SPEN: variants seen among roughly 807,000 people sequenced by gnomAD.
SPEN encodes msx2-interacting protein.
SPEN carries 18 observed loss-of-function variants against 269.9 expected under a neutral mutation model. The observed-to-expected ratio is 0.07, with a 90% CI of 0.05 to 0.10. The LOEUF (loss-of-function observed/expected upper bound fraction) is 0.10, where lower values mean the gene tolerates loss of function less well. Ranked by LOEUF, SPEN falls within the 10% of genes least tolerant of loss-of-function variation. SPEN has a pLI of 1.00. For synonymous variants in SPEN, 1,726 were observed against 1,765.7 expected (o/e 0.98, Z 0.56); for missense variants, 3,822 against 4,631.2 (o/e 0.83, Z 5.07).
intron 1 of SPEN, among the ~76,000 whole-genome samples, chr1:15,850,336 G>GAT (rs2070322769): frequency 6.6e-6 from 1 of 152,036 alleles, no homozygotes; most frequent in Admixed American, 6.6e-5. Context: ...AGATGCTACT[G>GAT]ATAAAAGCAG....
rs2070906469 is a variant in SPEN, at chr1:15,901,999, G to A, written c.882-7322G>A. 2.1e-5 allele frequency among the ~76,000 whole-genome samples: 3 copies of A among 146,052 alleles called. No individual in the cohort carries two copies. The Admixed American group carries it at 2.1e-4, about 10-fold the overall frequency. On this transcript the variant is annotated intron_variant, in intron 3 of 14. Transcript: ENST00000375759. ...GCTAGAATGCAGTGGCATGATTTCG[G>A]CTCGCTGCAACCTCCACTTCCCAGG...
intron 10 of SPEN, among the ~76,000 whole-genome samples, chr1:15,925,022 GA>G (rs1205464859): frequency 1.3e-5 from 2 of 151,784 alleles, no homozygotes; most frequent in African/African-American, 2.4e-5. Flanking sequence ...ATGCATGAAT[GA>G]AAAAAAATGC....
rs373349779 is a variant in SPEN, at chr1:15,933,361, C to G, written c.7121C>G (p.Thr2374Arg). The G allele has an allele frequency of 2.5e-6, 4 of 1,614,026 alleles. No individual in the cohort carries two copies. The highest frequency in any genetic ancestry group is 3.4e-6 in the Non-Finnish European group (4 of 1,180,052). ...AGTCCTGCTGCAAATGAGGGGACAA[C>G]AGTACAGCACCCCGAAGCCCCACAG... ...GESPAANEGT[T>R]VQHPEAPQEE... Residue 2374 changes from threonine (T) to arginine (R), a missense_variant, in exon 11 of 15, where the codon ACA becomes AGA. By Grantham distance (71) the Thr-to-Arg change is moderately conservative. Around this residue, in one of 16 missense-constraint regions of SPEN, gnomAD observed 727 missense variants for 737.9 expected, o/e 0.99. Transcript: ENST00000375759. The surrounding 1 kb of genome is among the most constrained non-coding windows in gnomAD (Gnocchi z 5.7).
chr1:15,896,187 C>CTTTTT (rs34846762), intron 3 of SPEN, among the ~76,000 whole-genome samples: 3 of 69,210 alleles, frequency 4.3e-5, no homozygotes, highest in Non-Finnish European at 5.0e-5. Context: ...TTTACCATCA[C>CTTTTT]TTTTTTTTTT....
chr1:15,901,558 G>A (rs1008443816), intron 3 of SPEN, among the ~76,000 whole-genome samples: 1 of 151,230 alleles, frequency 6.6e-6, no homozygotes, highest in Non-Finnish European at 1.5e-5. Flanking sequence ...GCTGAGTTGG[G>A]GGGATCATTT....
intron 2 of SPEN, chr1:15,873,364 G>A: frequency 1.6e-6 from 2 of 1,228,624 alleles, no homozygotes; most frequent in Non-Finnish European, 2.0e-6. Flanking sequence ...ATAATGTGAT[G>A]GAAGATTTCC....
chr1:15,931,272 A>G lies in SPEN; in HGVS notation c.5032A>G (p.Thr1678Ala), dbSNP rs1011505841. ...AGAAGAGAAGACTGTGGAGCCAGCT[A>G]CCGTCTCAGAAGAAGCAAAGCCTGC... ...VTEEKTVEPA[T>A]VSEEAKPASE... is the part of the protein sequence containing the mutation. The change falls in exon 11 of 15, where the codon ACC (threonine) becomes GCC (alanine). Residue 1678 changes from threonine to alanine, a missense_variant. Physicochemically the swap from Thr to Ala is moderately conservative, Grantham distance 58 (BLOSUM62 0). Coordinates refer to ENST00000375759, the MANE Select transcript of SPEN (RefSeq NM_015001.3). The surrounding 1 kb of genome is among the most constrained non-coding windows in gnomAD (Gnocchi z 4.8). 7 of 1,614,172 alleles carry G rather than the reference A, an allele frequency of 4.3e-6. No homozygotes were observed. In the South Asian group the frequency reaches 4.4e-5, roughly 10 times the overall value.
intron 3 of SPEN, among the ~76,000 whole-genome samples, chr1:15,879,457 G>A (rs1484441011): frequency 2.6e-5 from 4 of 152,076 alleles, no homozygotes; most frequent in Admixed American, 2.6e-4. Context: ...ATAAAAAGCA[G>A]CTGTATGCTT....
At position 15,931,512 on chromosome 1, in the gene SPEN, C is replaced by G. The variant is rs1298953790; in HGVS notation, c.5272C>G (p.Pro1758Ala). Reference sequence around the variant, plus strand: ...AGATCCAGAGCCTGACAGTACCCAGCCACTTTCAAAACCAGCTCAGAAGTC... The same window carrying G: ...AGATCCAGAGCCTGACAGTACCCAGGCACTTTCAAAACCAGCTCAGAAGTC... ...NVDPEPDSTQ[P>A]LSKPAQKSEE... The change falls in exon 11 of 15, where the codon CCA becomes GCA. Residue 1758 changes from proline (P) to alanine (A), a missense_variant. By Grantham distance (27) the Pro-to-Ala change is conservative. Around this residue, in one of 16 missense-constraint regions of SPEN, gnomAD observed 533 missense variants for 618.8 expected, o/e 0.86. Coordinates refer to ENST00000375759, the MANE Select transcript of SPEN (RefSeq NM_015001.3). The surrounding 1 kb of genome is among the most constrained non-coding windows in gnomAD (Gnocchi z 4.8). The G allele has an allele frequency of 6.2e-7, 1 of 1,614,018 alleles. No individual in the cohort carries two copies. Among genetic ancestry groups the G allele is most frequent in the East Asian group, 2.2e-5 (1 of 44,898 alleles).
At chr1:15,913,720 C>T (rs1476577491) in intron 5 of SPEN, among the ~76,000 whole-genome samples, 2 of 151,944 alleles carry the variant, frequency 1.3e-5, no homozygotes, top group Non-Finnish European at 2.9e-5. Context: ...GAGACCCCAT[C>T]TCTACAAAAA....
intron 6 of SPEN, 116 bp from the exon 7 acceptor site, chr1:15,918,806 CTAAG>C: frequency 1.3e-6 from 1 of 764,522 alleles, no homozygotes; most frequent in Non-Finnish European, 2.0e-6. Context: ...GTTTTTTTAA[CTAAG>C]TAAATGATGA....
At chr1:15,867,673 T>A (rs530366223) in intron 1 of SPEN, among the ~76,000 whole-genome samples, 1 of 151,632 alleles carries the variant, frequency 6.6e-6, no homozygotes, top group African/African-American at 2.4e-5. Flanking sequence ...TGTATGAGGG[T>A]TCAGATTTCT....
Position 15,847,933 on chromosome 1 carries a change from AGCCGCCGCCGCTGCCGAC to A in SPEN, c.-131_-114del, listed in dbSNP as rs1268493774. 3 of 370,354 alleles carry A rather than the reference AGCCGCCGCCGCTGCCGAC, an allele frequency of 8.1e-6. No individual in the cohort carries two copies. Among genetic ancestry groups the A allele is most frequent in the East Asian group, 9.7e-5 (2 of 20,566 alleles). 22.9% of individuals were successfully genotyped at this position (370,354 alleles called of 1,614,324 possible). On this transcript the variant is annotated 5_prime_UTR_variant, in exon 1 of 15. Transcript: ENST00000375759. ...TCTCTGCACGGGGGGGAGCCGGAGG[AGCCGCCGCCGCTGCCGAC>A]GCCACCGCCGCAGCCGCCGCCGCCG...
intron 3 of SPEN, among the ~76,000 whole-genome samples, chr1:15,898,469 TG>T (rs2070863372): frequency 6.6e-6 from 1 of 152,098 alleles, no homozygotes; most frequent in African/African-American, 2.4e-5. Flanking sequence ...CAATCTTTTT[TG>T]GGTATGGCTG....
At chr1:15,892,663 C>T (rs748860520) in intron 3 of SPEN, among the ~76,000 whole-genome samples, 19 of 152,042 alleles carry the variant, frequency 1.2e-4, no homozygotes, top group Non-Finnish European at 2.6e-4. Flanking sequence ...TCCAGGGTGG[C>T]TGAGGGAATG....
intron 3 of SPEN, among the ~76,000 whole-genome samples, chr1:15,908,929 C>A (rs2070986654): frequency 1.3e-5 from 2 of 152,014 alleles, no homozygotes; most frequent in East Asian, 3.9e-4. Context: ...AGTGATTTGT[C>A]CACGGACATG....
chr1:15,881,824 T>C (rs2070689589), intron 3 of SPEN, among the ~76,000 whole-genome samples: 1 of 152,210 alleles, frequency 6.6e-6, no homozygotes, highest in Non-Finnish European at 1.5e-5. Flanking sequence ...TTGGAAGAAA[T>C]AAGTTATTTC....
intron 3 of SPEN, among the ~76,000 whole-genome samples, chr1:15,893,004 A>G (rs550931715): frequency 9.8e-5 from 15 of 152,296 alleles, no homozygotes; most frequent in Non-Finnish European, 1.9e-4. Context: ...AGGCTGAGGC[A>G]GGAGAATCGT....
intron 3 of SPEN, among the ~76,000 whole-genome samples, chr1:15,896,187 CTTTTTTTTT>C (rs34846762): frequency 1.7e-4 from 12 of 69,220 alleles, no homozygotes; most frequent in East Asian, 7.3e-4. Flanking sequence ...TTTACCATCA[CTTTTTTTTT>C]TTTTTTTTTT....
Sources: gnomAD v4.1 joint callset for allele counts (sites outside exome capture counted in the v4.1 genomes callset) on GRCh38, gnomAD v4.1.1 for gene constraint, gnomAD v4.1.1 regional missense constraint, Gnocchi (gnomAD v3.1) non-coding constraint, MANE v1.5 for transcripts, NCBI Gene and HGNC (gene_info 2026-07-23, HGNC 2026-07-21) for gene names.